The following PRRC2C variants were observed in gnomAD, a reference collection of about 807,000 sequenced individuals.
PRRC2C encodes the protein protein PRRC2C.
A neutral mutation model predicts 317.2 loss-of-function variants in PRRC2C; 72 were observed. The ratio of observed to expected loss-of-function variants is 0.23; its 90% CI spans 0.19 to 0.28. The LOEUF is 0.28. PRRC2C is among the 10% of genes least tolerant of loss of function. The pLI, the probability that PRRC2C is intolerant of heterozygous loss-of-function variation, is 1.00. For missense variants in PRRC2C, 3,074 were observed against 3,459.7 expected (o/e 0.89, Z 2.80); for synonymous variants, 1,296 against 1,205.9 (o/e 1.07, Z -1.55).
At chr1:171,488,932 C>T (rs748033076) in intron 1 of PRRC2C, among the ~76,000 whole-genome samples, 8 of 152,066 alleles carry the variant, frequency 5.3e-5, no homozygotes, top group East Asian at 1.9e-4. Context: ...TTGAGGAGCA[C>T]GTCTAGTATT....
At chr1:171,511,939 T>G (rs1671465853) in intron 1 of PRRC2C, 93 bp from the exon 2 acceptor site, 2 of 511,368 alleles carry the variant, frequency 3.9e-6, no homozygotes, top group South Asian at 4.9e-5. Flanking sequence ...TATGAAATTA[T>G]CATTGATATG....
intron 23 of PRRC2C, among the ~76,000 whole-genome samples, chr1:171,570,960 C>CT (rs1320984285): frequency 6.6e-6 from 1 of 152,122 alleles, no homozygotes; most frequent in Non-Finnish European, 1.5e-5. Flanking sequence ...CATTTCAGGC[C>CT]TTAACATAGA....
intron 1 of PRRC2C, among the ~76,000 whole-genome samples, chr1:171,489,174 A>G (rs1217826432): frequency 6.6e-6 from 1 of 152,222 alleles, no homozygotes; most frequent in East Asian, 1.9e-4. Flanking sequence ...ATTAACTGAT[A>G]AGTATATTAT....
chr1:171,568,549 T>G (rs1684111633), intron 23 of PRRC2C, among the ~76,000 whole-genome samples: 2 of 152,326 alleles, frequency 1.3e-5, no homozygotes, highest in Admixed American at 6.5e-5. Context: ...CCATCTGCTT[T>G]CCATTTAAGA....
intron 23 of PRRC2C, 28 bp from the exon 24 acceptor site, chr1:171,571,292 T>C: frequency 1.5e-6 from 2 of 1,330,076 alleles, no homozygotes; most frequent in Non-Finnish European, 2.2e-6. Flanking sequence ...CATAGTTAGA[T>C]TGTGATATGT....
chr1:171,486,236 G>T (rs1666069736), intron 1 of PRRC2C, among the ~76,000 whole-genome samples: 1 of 151,840 alleles, frequency 6.6e-6, no homozygotes. Flanking sequence ...GCAATGTATG[G>T]GAGGGTCTGG....
In PRRC2C at chr1:171,541,161, A is replaced by G. The variant is rs760003300; in HGVS notation, c.3695A>G (p.His1232Arg). Residue 1232 changes from histidine (H) to arginine (R), a missense_variant, in exon 16 of 35, where the codon CAT (histidine) becomes CGT (arginine). Physicochemically the swap from His to Arg is conservative, Grantham distance 29. This residue lies in a region of PRRC2C where 1,320 missense variants were observed against 1,395.7 expected (regional missense o/e 0.95). Transcript: ENST00000647382. This position sits in a 1 kb window ranked among gnomAD's most constrained non-coding sequence, Gnocchi z 4.1. Reference sequence around the variant, plus strand: ...AGAGACAATAAGCCAAGAGCAGAGCATATACCCTCAGGGCCTCTCAGACAG... The same window carrying G: ...AGAGACAATAAGCCAAGAGCAGAGCGTATACCCTCAGGGCCTCTCAGACAG... ...QYRDNKPRAE[H>R]IPSGPLRQRE... The G allele has an allele frequency of 1.2e-6, 2 of 1,613,420 alleles. No homozygotes were observed. The highest frequency in any genetic ancestry group is 2.7e-5 in the African/African-American group (2 of 74,910).
chr1:171,486,014 C>T (rs1665977247), intron 1 of PRRC2C, among the ~76,000 whole-genome samples: 1 of 152,002 alleles, frequency 6.6e-6, no homozygotes, highest in Non-Finnish European at 1.5e-5. Context: ...CTTGCTCCCA[C>T]CTAGACCCCA....
intron 6 of PRRC2C, among the ~76,000 whole-genome samples, chr1:171,518,600 C>T (rs1415117953): frequency 3.0e-5 from 4 of 133,956 alleles, no homozygotes; most frequent in East Asian, 2.2e-4. Context: ...TGGGTTCAAG[C>T]AATTCTTGTG....
At chr1:171,535,892 C>T in intron 13 of PRRC2C, 137 bp from the exon 14 acceptor site, 3 of 1,197,678 alleles carry the variant, frequency 2.5e-6, no homozygotes, top group Admixed American at 4.6e-5. Context: ...CTTGCCAACT[C>T]TTAACTGTTA....
At position 171,559,505 on chromosome 1, in the gene PRRC2C, G is replaced by GTTTTTTTTTTTTTTTTTTTTTTTTTT. The variant is rs1236663155; in HGVS notation, c.6031+1365_6031+1366insTTTTTTTTTTTTTTTTTTTTTTTTTT. On this transcript the variant is annotated intron_variant, in intron 19 of 34. Coordinates refer to ENST00000647382, the MANE Select transcript of PRRC2C (RefSeq NM_001387844.1). ...ATCTGTTTACAAAATGGCATACCAA[G>GTTTTTTTTTTTTTTTTTTTTTTTTTT]TTTGTTTTTTTTTTTTTTTTTTTTT... Among the ~76,000 whole-genome samples, 10 of 95,124 alleles carry GTTTTTTTTTTTTTTTTTTTTTTTTTT rather than the reference G, an allele frequency of 1.1e-4. 5 individuals are homozygous for GTTTTTTTTTTTTTTTTTTTTTTTTTT. The highest frequency in any genetic ancestry group is 1.6e-4 in the African/African-American group (4 of 24,866). 62.4% of individuals were successfully genotyped at this position (95,124 alleles called of 152,430 possible).
chr1:171,496,012 T>C (rs2102074513), intron 1 of PRRC2C, among the ~76,000 whole-genome samples: 1 of 152,102 alleles, frequency 6.6e-6, no homozygotes, highest in Non-Finnish European at 1.5e-5. Flanking sequence ...GTATCTCTTT[T>C]TATAAGGACA....
intron 13 of PRRC2C, 113 bp from the exon 14 acceptor site, chr1:171,535,916 C>T: frequency 7.4e-7 from 1 of 1,344,980 alleles, no homozygotes; most frequent in Non-Finnish European, 1.0e-6. Context: ...ACCTTTTGAA[C>T]TCTTACTTTT....
At chr1:171,589,633 T>TTCTTGATCTGTTGG in intron 34 of PRRC2C, 28 bp downstream of exon 34, 1 of 1,265,462 alleles carries the variant, frequency 7.9e-7, no homozygotes, top group Non-Finnish European at 1.0e-6. Flanking sequence ...AGCCAACAGA[T>TTCTTGATCTGTTGG]CAAGAATCTG....
At chr1:171,509,260 C>T (rs1483495002) in intron 1 of PRRC2C, among the ~76,000 whole-genome samples, 1 of 152,124 alleles carries the variant, frequency 6.6e-6, no homozygotes, top group African/African-American at 2.4e-5. Context: ...TAAAGTTTTG[C>T]CATGAAATAG....
At chr1:171,505,432 A>T (rs1455006873) in intron 1 of PRRC2C, among the ~76,000 whole-genome samples, 4 of 152,048 alleles carry the variant, frequency 2.6e-5, no homozygotes, top group Non-Finnish European at 4.4e-5. Flanking sequence ...TATTGATCTT[A>T]TATGCTCTTG....
intron 1 of PRRC2C, among the ~76,000 whole-genome samples, chr1:171,487,632 G>A (rs1339647195): frequency 1.3e-5 from 2 of 152,058 alleles, no homozygotes; most frequent in African/African-American, 4.8e-5. Context: ...ATTATTGGTA[G>A]AATATTCCCT....
At chr1:171,550,932 G>T (rs1209123678) in intron 18 of PRRC2C, among the ~76,000 whole-genome samples, 1 of 152,102 alleles carries the variant, frequency 6.6e-6, no homozygotes, top group African/African-American at 2.4e-5. Context: ...AAATATACGT[G>T]TGCATGTGTC....
intron 1 of PRRC2C, among the ~76,000 whole-genome samples, chr1:171,508,791 G>T (rs990412124): frequency 6.6e-6 from 1 of 152,090 alleles, no homozygotes; most frequent in Non-Finnish European, 1.5e-5. Flanking sequence ...TACTCTTTGG[G>T]CTGCTTTGAT....
Sources: gnomAD v4.1 joint callset for allele counts (sites outside exome capture counted in the v4.1 genomes callset) on GRCh38, gnomAD v4.1.1 for gene constraint, gnomAD v4.1.1 regional missense constraint, Gnocchi (gnomAD v3.1) non-coding constraint, MANE v1.5 for transcripts, NCBI Gene and HGNC (gene_info 2026-07-23, HGNC 2026-07-21) for gene names.